Variants in FER observed in about 807,000 individuals in gnomAD.
FER encodes the protein tyrosine-protein kinase Fer.
In FER, 63 loss-of-function variants were observed where a neutral mutation model predicts 111.0. The ratio of observed to expected loss-of-function variants is 0.57; its 90% confidence interval spans 0.46 to 0.70. The LOEUF (loss-of-function observed/expected upper bound fraction) is 0.70, where lower values mean the gene tolerates loss of function less well. Among genes scored for constraint, FER ranks in the 30% least tolerant of loss-of-function variants. The pLI is 0.00. For synonymous variants in FER, 327 were observed against 313.9 expected (o/e 1.04, Z -0.44); for missense variants, 914 against 954.0 (o/e 0.96, Z 0.55).
At chr5:109,052,882 A>C (rs1773038770) in intron 16 of FER, among the ~76,000 whole-genome samples, 1 of 152,188 alleles carries the variant, frequency 6.6e-6, no homozygotes, top group East Asian at 1.9e-4. Flanking sequence ...TGGAATCTCA[A>C]ATCTTATTAG....
At chr5:108,863,650 G>A (rs1346272693) in intron 5 of FER, among the ~76,000 whole-genome samples, 1 of 152,038 alleles carries the variant, frequency 6.6e-6, no homozygotes, top group Non-Finnish European at 1.5e-5. Context: ...CATGCAGAGT[G>A]AGATAAATCT....
At chr5:108,759,422 A>G (rs1186790401) in intron 1 of FER, among the ~76,000 whole-genome samples, 4 of 152,228 alleles carry the variant, frequency 2.6e-5, no homozygotes, top group Non-Finnish European at 4.4e-5. Flanking sequence ...GAACTGTTAT[A>G]GCTTCTACCC....
chr5:108,976,029 G>A (rs767056281), intron 13 of FER, among the ~76,000 whole-genome samples: 11 of 152,148 alleles, frequency 7.2e-5, no homozygotes, highest in Non-Finnish European at 1.5e-4. Context: ...AGCAACCTCA[G>A]GGCCACAGAT....
At chr5:108,930,621 T>C in intron 10 of FER, among the ~76,000 whole-genome samples, 2 of 91,076 alleles carry the variant, frequency 2.2e-5, no homozygotes, top group Non-Finnish European at 4.3e-5. Context: ...CTTTTTTCCT[T>C]CCCTCTCCTT....
At chr5:108,756,372 T>C (rs1180038577) in intron 1 of FER, among the ~76,000 whole-genome samples, 2 of 151,934 alleles carry the variant, frequency 1.3e-5, no homozygotes, top group Non-Finnish European at 2.9e-5. Context: ...TTTCTTTGTT[T>C]CAGTATAGAA....
intron 11 of FER, among the ~76,000 whole-genome samples, chr5:108,947,070 C>T (rs1757085036): frequency 6.6e-6 from 1 of 151,970 alleles, no homozygotes; most frequent in Admixed American, 6.6e-5. Flanking sequence ...TATATATTTA[C>T]CACATATTGT....
At chr5:108,820,549 T>C in intron 3 of FER, 2 of 984,972 alleles carry the variant, frequency 2.0e-6, no homozygotes, top group Non-Finnish European at 2.4e-6. Flanking sequence ...TAATTTCTTT[T>C]CTGGCCTGTT....
At chr5:109,036,091 C>A (rs947389718) in intron 13 of FER, among the ~76,000 whole-genome samples, 2 of 152,044 alleles carry the variant, frequency 1.3e-5, no homozygotes, top group African/African-American at 4.8e-5. Flanking sequence ...AATGTTCTCC[C>A]AGGTTGTAGT....
chr5:108,932,458 T>C (rs1754825757), intron 10 of FER, among the ~76,000 whole-genome samples: 1 of 152,222 alleles, frequency 6.6e-6, no homozygotes, highest in South Asian at 2.1e-4. Context: ...TCTTTGCTAT[T>C]GTGAATAGTG....
At chr5:108,802,437 T>A (rs960068829) in intron 3 of FER, among the ~76,000 whole-genome samples, 1 of 152,196 alleles carries the variant, frequency 6.6e-6, no homozygotes, top group Admixed American at 6.5e-5. Flanking sequence ...CTGAGGTTTA[T>A]GGTATGAATG....
At chr5:108,990,698 T>C (rs549118766) in intron 13 of FER, among the ~76,000 whole-genome samples, 1 of 151,834 alleles carries the variant, frequency 6.6e-6, no homozygotes, top group East Asian at 1.9e-4. Flanking sequence ...AGAAAATACA[T>C]CTTTATAAAG....
At chr5:108,857,407 A>C (rs1368979724) in intron 5 of FER, among the ~76,000 whole-genome samples, 1 of 152,166 alleles carries the variant, frequency 6.6e-6, no homozygotes, top group Non-Finnish European at 1.5e-5. Flanking sequence ...TATCAGGTCC[A>C]TGATGTCAGT....
intron 10 of FER, among the ~76,000 whole-genome samples, chr5:108,928,514 G>A (rs868109461): frequency 4.1e-4 from 62 of 152,082 alleles, no homozygotes; most frequent in African/African-American, 1.2e-3. Flanking sequence ...ATATTGTAAG[G>A]AATTGATTTT....
chr5:108,817,034 G>A (rs1758347056), intron 3 of FER, among the ~76,000 whole-genome samples: 1 of 140,830 alleles, frequency 7.1e-6, no homozygotes, highest in African/African-American at 2.6e-5. Context: ...AGCCCAGGAG[G>A]CAGAGGTTGC....
intron 1 of FER, among the ~76,000 whole-genome samples, chr5:108,767,415 GTACTTAATTAC>G (rs944478776): frequency 1.3e-5 from 2 of 152,178 alleles, no homozygotes; most frequent in Non-Finnish European, 2.9e-5. Context: ...TTTTTCTTAT[GTACTTAATTAC>G]TACTTTAGGC....
chr5:108,761,043 G>C (rs1384242278), intron 1 of FER, among the ~76,000 whole-genome samples: 2 of 151,848 alleles, frequency 1.3e-5, no homozygotes, highest in African/African-American at 4.8e-5. Context: ...CAATTCTCCT[G>C]CCTCAGCCTC....
intron 13 of FER, among the ~76,000 whole-genome samples, chr5:108,987,526 T>TTTATG (rs1762713364): frequency 6.6e-6 from 1 of 152,130 alleles, no homozygotes; most frequent in Non-Finnish European, 1.5e-5. Context: ...ATTCCTAAAT[T>TTTATG]TTATTTTATT....
At chr5:109,003,811 C>G (rs1765144228) in intron 13 of FER, among the ~76,000 whole-genome samples, 1 of 151,952 alleles carries the variant, frequency 6.6e-6, no homozygotes, top group African/African-American at 2.4e-5. Flanking sequence ...GAGACCCCAT[C>G]TCTACAAAAA....
chr5:108,999,709 T>G (rs1344728532), intron 13 of FER, among the ~76,000 whole-genome samples: 1 of 103,472 alleles, frequency 9.7e-6, no homozygotes, highest in Non-Finnish European at 2.3e-5. Context: ...TTCTTACTAT[T>G]TTTTTTTTTT....
Sources: allele counts gnomAD v4.1 joint callset (sites outside exome capture counted in the v4.1 genomes callset), GRCh38; gene constraint gnomAD v4.1.1; transcripts MANE v1.5; gene names NCBI Gene and HGNC (gene_info 2026-07-23, HGNC 2026-07-21).